The following PRKN variants were observed in gnomAD, a reference collection of about 807,000 sequenced individuals.
PRKN encodes parkin RBR E3 ubiquitin protein ligase.
A neutral mutation model predicts 59.5 loss-of-function variants in PRKN; 56 were observed. The observed-to-expected ratio is 0.94, with a 90% CI of 0.76 to 1.18. PRKN has a LOEUF of 1.18. PRKN is among the 50% of genes most tolerant of loss of function. The probability of loss-of-function intolerance (pLI) is 0.00; values close to 1 mark genes in which losing one functional copy is unlikely to be tolerated. For missense variants in PRKN, 657 were observed against 596.4 expected (o/e 1.10, Z -1.06); for synonymous variants, 250 against 222.1 (o/e 1.13, Z -1.12).
At chr6:162,604,320 T>C (rs1781822176) in intron 1 of PRKN, among the ~76,000 whole-genome samples, 1 of 152,184 alleles carries the variant, frequency 6.6e-6, no homozygotes, top group Non-Finnish European at 1.5e-5. Context: ...TGGTAATCCT[T>C]ATTTGTTTCG....
intron 7 of PRKN, among the ~76,000 whole-genome samples, chr6:161,778,119 A>G (rs1256663496): frequency 6.6e-6 from 1 of 151,984 alleles, no homozygotes; most frequent in Non-Finnish European, 1.5e-5. Flanking sequence ...GGAAAAGCAC[A>G]GAAGATCCTG....
intron 1 of PRKN, among the ~76,000 whole-genome samples, chr6:162,673,770 C>G (rs943124695): frequency 2.0e-5 from 3 of 152,164 alleles, no homozygotes; most frequent in African/African-American, 4.8e-5. Flanking sequence ...ATAACAGAAT[C>G]AGGAACCTGA....
chr6:162,407,343 T>C (rs528556387), intron 2 of PRKN, among the ~76,000 whole-genome samples: 1 of 152,270 alleles, frequency 6.6e-6, no homozygotes, highest in South Asian at 2.1e-4. Context: ...AGTTTAGCCT[T>C]TCATAACGTT....
At chr6:162,649,152 T>A (rs1414739075) in intron 1 of PRKN, among the ~76,000 whole-genome samples, 1 of 152,184 alleles carries the variant, frequency 6.6e-6, no homozygotes, top group African/African-American at 2.4e-5. Flanking sequence ...ATACACATAC[T>A]AAATCTCCGT....
At position 161,725,204 on chromosome 6, in the gene PRKN, C is replaced by T. The variant is rs563003494; in HGVS notation, c.871+60568G>A. ...TTTATAGTAATGCAGGACGGCCTAA[C>T]ACGGTGGATAAATGTTCAAATGATT... On this transcript the variant is annotated intron_variant, in intron 7 of 11. Transcript: ENST00000366898. Among the ~76,000 whole-genome samples the T allele has an allele frequency of 2.8e-4, 43 of 152,264 alleles. No homozygotes were observed. In the South Asian group the frequency reaches 7.3e-3, roughly 26 times the overall value.
Position 161,740,383 on chromosome 6 carries a change from A to G in PRKN, c.871+45389T>C, listed in dbSNP as rs529996284. 5.3e-5 allele frequency among the ~76,000 whole-genome samples: 8 copies of G among 152,200 alleles called. 1 individual carries two copies. In the South Asian group the frequency reaches 1.5e-3, roughly 28 times the overall value. On this transcript the variant is annotated intron_variant, in intron 7 of 11. Coordinates refer to ENST00000366898, the MANE Select transcript of PRKN (RefSeq NM_004562.3). Reference sequence around the variant, plus strand: ...TTCCTGAGGCCTGGACCCCATTTCCACAGCTCGTTACTGCTACTTGCCCTA... The same window carrying G: ...TTCCTGAGGCCTGGACCCCATTTCCGCAGCTCGTTACTGCTACTTGCCCTA...
rs1358951471 is a variant in PRKN, at chr6:161,440,262, G to GT, written c.1084-53386dup. 2.6e-5 allele frequency among the ~76,000 whole-genome samples: 4 copies of GT among 152,116 alleles called. No homozygotes were observed. The highest frequency in any genetic ancestry group is 9.7e-5 in the African/African-American group (4 of 41,426). ...GACACTGCGCCTGGCCTGGCCCTAA[G>GT]TTTTTACCCTTCCCATTATGTCAGA... On this transcript the variant is annotated intron_variant, in intron 9 of 11. Coordinates refer to ENST00000366898, the MANE Select transcript of PRKN (RefSeq NM_004562.3). The surrounding 1 kb of genome is among the most constrained non-coding windows in gnomAD (Gnocchi z 4.1).
At chr6:162,075,533 T>G (rs1778786048) in intron 4 of PRKN, among the ~76,000 whole-genome samples, 1 of 152,004 alleles carries the variant, frequency 6.6e-6, no homozygotes, top group Non-Finnish European at 1.5e-5. Flanking sequence ...AAAGTCCACA[T>G]TGTATTTAAT....
chr6:162,275,531 T>C (rs9355392), intron 2 of PRKN: 84,267 of 152,048 alleles, frequency 0.55, 26,638 homozygotes, highest in East Asian at 0.85. Context: ...ATGCCTGTAA[T>C]CCCAGCACTT....
chr6:161,772,440 G>A (rs1300270557), intron 7 of PRKN, among the ~76,000 whole-genome samples: 2 of 152,130 alleles, frequency 1.3e-5, no homozygotes, highest in African/African-American at 4.8e-5. Flanking sequence ...GCTTCGTTTA[G>A]GTGATTCTCA....
intron 1 of PRKN, among the ~76,000 whole-genome samples, chr6:162,546,957 T>G (rs1246633394): frequency 6.6e-6 from 1 of 152,216 alleles, no homozygotes; most frequent in Non-Finnish European, 1.5e-5. Context: ...ATCAGAGGTT[T>G]ATTTCCTTGG....
At chr6:162,501,647 C>T (rs147759866) in intron 1 of PRKN, among the ~76,000 whole-genome samples, 43 of 152,040 alleles carry the variant, frequency 2.8e-4, no homozygotes, top group African/African-American at 7.7e-4. Context: ...TGAGCCACCG[C>T]GCCCGGCCAT....
At chr6:162,056,000 C>T (rs1179181210) in intron 4 of PRKN, among the ~76,000 whole-genome samples, 2 of 38,184 alleles carry the variant, frequency 5.2e-5, no homozygotes, top group African/African-American at 9.1e-5. Context: ...CAGGCATGCA[C>T]GCACACAGGC....
chr6:161,947,694 T>G (rs1459163258), intron 6 of PRKN, among the ~76,000 whole-genome samples: 1 of 152,224 alleles, frequency 6.6e-6, no homozygotes, highest in African/African-American at 2.4e-5. Flanking sequence ...TGTAGCATAA[T>G]TGTTGTTTTA....
In PRKN at chr6:161,448,993, AG is replaced by A. The variant is rs1465131723; in HGVS notation, c.1084-62117del. Among the ~76,000 whole-genome samples, 1 of 152,208 alleles carries A rather than the reference AG, an allele frequency of 6.6e-6. No homozygotes were observed. The highest frequency in any genetic ancestry group is 1.5e-5 in the Non-Finnish European group (1 of 68,034). Reference sequence around the variant, plus strand: ...GGTGACTGCTCAGAATAAAGTGATAAGGGGACAAAAGGTGGATGGCTTACTT... The same window carrying A: ...GGTGACTGCTCAGAATAAAGTGATAAGGGACAAAAGGTGGATGGCTTACTT... On this transcript the variant is annotated intron_variant, in intron 9 of 11. Transcript: ENST00000366898. This position sits in a 1 kb window ranked among gnomAD's most constrained non-coding sequence, Gnocchi z 5.1.
chr6:162,149,786 G>A (rs1782186481), intron 4 of PRKN, among the ~76,000 whole-genome samples: 1 of 152,176 alleles, frequency 6.6e-6, no homozygotes, highest in Non-Finnish European at 1.5e-5. Context: ...GCAGCCGTCA[G>A]TGTCACTAAC....
At chr6:161,450,720 C>A (rs1171626365) in intron 9 of PRKN, among the ~76,000 whole-genome samples, 3 of 152,104 alleles carry the variant, frequency 2.0e-5, no homozygotes, top group East Asian at 3.9e-4. Flanking sequence ...CCACACCCAG[C>A]TAATTTTTGT....
chr6:162,594,584 T>G (rs1307486690), intron 1 of PRKN, among the ~76,000 whole-genome samples: 6 of 152,208 alleles, frequency 3.9e-5, no homozygotes, highest in Non-Finnish European at 8.8e-5. Flanking sequence ...ATGTATGACT[T>G]GCATGGTAAC....
chr6:162,153,549 C>G (rs1022044338), intron 4 of PRKN, among the ~76,000 whole-genome samples: 2 of 152,174 alleles, frequency 1.3e-5, no homozygotes, highest in Non-Finnish European at 1.5e-5. Flanking sequence ...TTATAACAGC[C>G]TTTTGGGGTA....
Sources: gnomAD v4.1 joint callset for allele counts (sites outside exome capture counted in the v4.1 genomes callset) on GRCh38, gnomAD v4.1.1 for gene constraint, Gnocchi (gnomAD v3.1) non-coding constraint, MANE v1.5 for transcripts, NCBI Gene and HGNC (gene_info 2026-07-23, HGNC 2026-07-21) for gene names.